The following PLCD4 variants were observed in gnomAD, a reference collection of about 807,000 sequenced individuals.
PLCD4 encodes phospholipase C delta 4, also known as 1-phosphatidylinositol 4,5-bisphosphate phosphodiesterase delta-4.
Under a neutral mutation model 90.2 loss-of-function variants are expected in PLCD4, and 63 were observed. The observed-to-expected ratio is 0.70, with a 90% CI of 0.57 to 0.86. The LOEUF is 0.86. PLCD4 is among the 40% of genes least tolerant of loss of function. The pLI, the probability that PLCD4 is intolerant of heterozygous loss-of-function variation, is 0.00. For missense variants in PLCD4, 830 were observed against 956.3 expected (o/e 0.87, Z 1.74); for synonymous variants, 294 against 356.5 (o/e 0.82, Z 1.97).
At position 218,628,186 on chromosome 2, in the gene PLCD4, G is replaced by C. The variant is rs758772398; in HGVS notation, c.930G>C (p.Val310=). Residue 310 remains valine (V), a synonymous_variant, in exon 7 of 16, where the codon GTG becomes GTC. Transcript: ENST00000450993. ...GCTCTTCTCATAACACCTACCTAGT[G>C]GGGGACCAGCTTTGTGGCCAGAGCA... is the stretch of plus-strand genomic sequence containing the variant. The part of the protein sequence containing the change: ...FICSSHNTYL[V]GDQLCGQSSV... 3 of 1,613,914 alleles carry C rather than the reference G, an allele frequency of 1.9e-6. No homozygotes were observed. Among genetic ancestry groups the C allele is most frequent in the Non-Finnish European group, 2.5e-6 (3 of 1,179,914 alleles).
chr2:218,622,992 T>G (rs761249252), intron 6 of PLCD4, 114 bp downstream of exon 6: 14 of 868,210 alleles, frequency 1.6e-5, no homozygotes, highest in Admixed American at 9.7e-5. Context: ...TCTATCCCTA[T>G]CCTGACCCCT....
In PLCD4 at chr2:218,634,148, G is replaced by A; in HGVS notation, c.1650G>A (p.Val550=). Residue 550 remains valine, a synonymous_variant, in exon 12 of 16, where the codon GTG becomes GTA. Transcript: ENST00000450993. This position sits in a 1 kb window ranked among gnomAD's most constrained non-coding sequence, Gnocchi z 4.0. ...VQHNTWQLSR[V]YPSGLRTDSS... is the part of the protein sequence containing the mutation. ...ACAATACTTGGCAGTTAAGCCGTGTGTATCCCAGCGGCCTGAGGACAGACT... is the reference window on the plus strand; with the variant it reads ...ACAATACTTGGCAGTTAAGCCGTGTATATCCCAGCGGCCTGAGGACAGACT... 6.2e-7 allele frequency: 1 copy of A among 1,612,748 alleles called. No individual in the cohort carries two copies. Among genetic ancestry groups the A allele is most frequent in the East Asian group, 2.2e-5 (1 of 44,860 alleles).
intron 3 of PLCD4, among the ~76,000 whole-genome samples, chr2:218,616,946 A>AT (rs1695630375): frequency 1.7e-5 from 1 of 60,542 alleles, no homozygotes; most frequent in Non-Finnish European, 3.3e-5. Context: ...AGAGAGAGAG[A>AT]GAGAGAGAGA....
intron 4 of PLCD4, among the ~76,000 whole-genome samples, chr2:218,619,808 C>T (rs1234434940): frequency 2.0e-5 from 3 of 152,304 alleles, no homozygotes; most frequent in South Asian, 2.1e-4. Flanking sequence ...TGAAAGACTA[C>T]ACTTTCAGGG....
In PLCD4 at chr2:218,622,825, G is replaced by A; in HGVS notation, c.719G>A (p.Cys240Tyr). 6.2e-7 allele frequency: 1 copy of A among 1,614,042 alleles called. No homozygotes were observed. Among genetic ancestry groups the A allele is most frequent in the Non-Finnish European group, 8.5e-7 (1 of 1,179,900 alleles). Residue 240 changes from cysteine (C) to tyrosine (Y), a missense_variant, in exon 6 of 16, where the codon TGC becomes TAC. Coordinates refer to ENST00000450993, the MANE Select transcript of PLCD4 (RefSeq NM_032726.4). ...FLQEEQKERD[C>Y]TSELALELID... Reference sequence around the variant, plus strand: ...CAAGAGGAGCAGAAGGAGAGAGACTGCACCTCTGAGCTTGCTCTGGAACTC... The same window carrying A: ...CAAGAGGAGCAGAAGGAGAGAGACTACACCTCTGAGCTTGCTCTGGAACTC...
intron 1 of PLCD4, among the ~76,000 whole-genome samples, chr2:218,612,975 T>C (rs1450736479): frequency 6.6e-6 from 1 of 152,164 alleles, no homozygotes. Context: ...TTTTCATCTG[T>C]AAAATATAGG....
At chr2:218,635,745 G>A in intron 13 of PLCD4, 51 bp from the exon 14 acceptor site, 1 of 1,581,630 alleles carries the variant, frequency 6.3e-7, no homozygotes, top group African/African-American at 1.3e-5. Flanking sequence ...GTAGGGTCGG[G>A]TGGGGCTGGG....
chr2:218,620,497 T>C (rs1695821916), intron 4 of PLCD4, among the ~76,000 whole-genome samples: 1 of 151,500 alleles, frequency 6.6e-6, no homozygotes, highest in Admixed American at 6.6e-5. Context: ...TTAGACTCTG[T>C]CTCCAAAAAA....
intron 1 of PLCD4, 95 bp from the exon 2 acceptor site, chr2:218,615,612 G>A (rs1695540320): frequency 9.8e-7 from 1 of 1,025,562 alleles, no homozygotes; most frequent in South Asian, 1.8e-5. Flanking sequence ...TATCTAAAGT[G>A]TCAGAGTCAC....
intron 4 of PLCD4, 84 bp from the exon 5 acceptor site, chr2:218,621,386 G>C (rs1695872397): frequency 2.0e-6 from 3 of 1,493,448 alleles, no homozygotes; most frequent in Non-Finnish European, 2.8e-6. Flanking sequence ...GAAAGAGAGG[G>C]GAGAGATGTC....
At position 218,636,866 on chromosome 2, in the gene PLCD4, T is replaced by G; in HGVS notation, c.*289T>G. 2.0e-6 allele frequency: 1 copy of G among 504,372 alleles called. No homozygotes were observed. The highest frequency in any genetic ancestry group is 3.9e-6 in the Non-Finnish European group (1 of 259,000). The allele number at this position is 504,372 out of a possible 1,614,324, so 31.2% of individuals were successfully genotyped here. On this transcript the variant is annotated 3_prime_UTR_variant, in exon 16 of 16. Transcript: ENST00000450993. ...CTTCTTCCTCTTGCTGTAGGCTCAA[T>G]CCCATACCGACATCTACAACTAATC... is the stretch of plus-strand genomic sequence containing the variant.
Position 218,636,156 on chromosome 2 carries a change from T to C in PLCD4, c.2033-87T>C, listed in dbSNP as rs6710896. On this transcript the variant is annotated intron_variant, in intron 14 of 15. Transcript: ENST00000450993. ...CTTACCTGTAAAATGCTGATTGCCA[T>C]CTAGATTAAATGAGAACACAAGAAA... 10,269 of 1,457,522 alleles carry C rather than the reference T, an allele frequency of 7.0e-3. 576 individuals are homozygous for C. The African/African-American group carries it at 0.13, about 18-fold the overall frequency. The allele number at this position is 1,457,522 out of a possible 1,614,324, so 90.3% of individuals were successfully genotyped here. A position where few individuals can be genotyped will look rare whatever the true frequency, so the allele number is the denominator to read the frequency against.
intron 10 of PLCD4, among the ~76,000 whole-genome samples, chr2:218,632,776 T>C (rs554072377): frequency 7.2e-5 from 11 of 152,200 alleles, no homozygotes; most frequent in Admixed American, 5.2e-4. Context: ...AAAGTGGGCA[T>C]AGAGAAAGCT....
At chr2:218,635,342 A>G (rs1031307423) in intron 13 of PLCD4, among the ~76,000 whole-genome samples, 22 of 151,438 alleles carry the variant, frequency 1.5e-4, no homozygotes, top group Non-Finnish European at 2.9e-5. Flanking sequence ...GATCCATTTA[A>G]TTTATTTGTT....
chr2:218,634,308 G>A lies in PLCD4; in HGVS notation c.1723+87G>A, dbSNP rs994772432. 126 of 1,571,242 alleles carry A rather than the reference G, an allele frequency of 8.0e-5. No individual in the cohort carries two copies. Among genetic ancestry groups the A allele is most frequent in the Non-Finnish European group, 1.1e-4 (124 of 1,158,266 alleles). The stretch of plus-strand genomic sequence containing the variant: ...TCTAGTGATGGTAGGGTTGGGGAAT[G>A]CTCAAGAAAATTGCTAGGCTGAGAA... On this transcript the variant is annotated intron_variant, in intron 12 of 15. Coordinates refer to ENST00000450993, the MANE Select transcript of PLCD4 (RefSeq NM_032726.4). The surrounding 1 kb of genome is among the most constrained non-coding windows in gnomAD (Gnocchi z 4.0).
At chr2:218,622,531 A>G in intron 5 of PLCD4, 116 bp from the exon 6 acceptor site, 1 of 590,000 alleles carries the variant, frequency 1.7e-6, no homozygotes, top group South Asian at 2.7e-5. Flanking sequence ...AATTTACTGT[A>G]TAAATATATA....
At position 218,618,627 on chromosome 2, in the gene PLCD4, T is replaced by A. The variant is rs202204701; in HGVS notation, c.230T>A (p.Leu77Ter). 18 of 1,614,076 alleles carry A rather than the reference T, an allele frequency of 1.1e-5. No individual in the cohort carries two copies. The highest frequency in any genetic ancestry group is 1.5e-5 in the Non-Finnish European group (18 of 1,179,896). The stretch of plus-strand genomic sequence containing the variant: ...ATACGTAATGGCCATGATTCCGAGT[T>A]GCTGCGTAGCCTGGCAGAGGAGCTC... ...ETIRNGHDSE[L>*]LRSLAEELPL... is the part of the protein sequence containing the mutation. The change falls in exon 4 of 16, where the codon TTG (leucine) becomes TAG (stop). Residue 77 changes from leucine to a stop codon, truncating the protein, a stop_gained. Coordinates refer to ENST00000450993, the MANE Select transcript of PLCD4 (RefSeq NM_032726.4). LOFTEE classifies it high-confidence loss of function.
intron 9 of PLCD4, 122 bp from the exon 10 acceptor site, chr2:218,632,014 C>T (rs1696400162): frequency 9.7e-7 from 1 of 1,027,234 alleles, no homozygotes; most frequent in Admixed American, 3.1e-5. Flanking sequence ...CTAATCTCTT[C>T]CCTCGGGAAC....
chr2:218,631,412 C>T (rs1294529212), intron 9 of PLCD4, among the ~76,000 whole-genome samples: 2 of 152,170 alleles, frequency 1.3e-5, no homozygotes, highest in Admixed American at 6.5e-5. Flanking sequence ...GATCCACCCT[C>T]CTCAGCCTCC....
Sources: gnomAD v4.1 joint callset for allele counts (sites outside exome capture counted in the v4.1 genomes callset) on GRCh38, gnomAD v4.1.1 for gene constraint, Gnocchi (gnomAD v3.1) non-coding constraint, MANE v1.5 for transcripts, NCBI Gene and HGNC (gene_info 2026-07-23, HGNC 2026-07-21) for gene names.